Variants in FNDC5 observed in about 807,000 individuals in gnomAD.
The protein encoded by FNDC5 is fibronectin type III domain-containing protein 5.
A neutral mutation model predicts 24.6 loss-of-function variants in FNDC5; 10 were observed. The ratio of observed to expected loss-of-function variants is 0.41; its 90% CI spans 0.25 to 0.69. FNDC5 has a LOEUF of 0.69. Ranked by LOEUF, FNDC5 falls within the 30% of genes least tolerant of loss-of-function variation. The pLI, the probability that FNDC5 is intolerant of heterozygous loss-of-function variation, is 0.34. For synonymous variants in FNDC5, 90 were observed against 110.7 expected (o/e 0.81, Z 1.18); for missense variants, 226 against 282.9 (o/e 0.80, Z 1.44).
chr1:32,871,331 G>A (rs1220766269), upstream of FNDC5, among the ~76,000 whole-genome samples: 1 of 152,118 alleles, frequency 6.6e-6, no homozygotes, highest in Non-Finnish European at 1.5e-5. Flanking sequence ...GCAGACGGGA[G>A]CAGAGGGGAG....
chr1:32,870,566 G>T, intron 1 of FNDC5, 87 bp downstream of exon 1: 1 of 798,058 alleles, frequency 1.3e-6, no homozygotes, highest in Non-Finnish European at 1.6e-6. Flanking sequence ...GTCCCTAGGG[G>T]GCAGAGAAAG....
rs1641119849 is a variant in FNDC5, at chr1:32,868,507, A to G, written c.211-119T>C. ...TCTTCATCATTCCATCACCTCCGCT[A>G]TCAATATCTCCATTTTACAGGGAAG... On this transcript the variant is annotated intron_variant, in intron 2 of 5. Coordinates refer to ENST00000373471, the MANE Select transcript of FNDC5 (RefSeq NM_153756.3). The surrounding 1 kb of genome is among the most constrained non-coding windows in gnomAD (Gnocchi z 4.8). 3.6e-6 allele frequency: 4 copies of G among 1,119,168 alleles called. No homozygotes were observed. The South Asian group carries it at 4.6e-5, about 13-fold the overall frequency. The allele number at this position is 1,119,168 out of a possible 1,614,324, so 69.3% of individuals were successfully genotyped here. A position where few individuals can be genotyped will look rare whatever the true frequency, so the allele number is the denominator to read the frequency against.
At position 32,870,669 on chromosome 1, in the gene FNDC5, G is replaced by T; in HGVS notation, c.78C>A (p.Phe26Leu). The T allele has an allele frequency of 1.7e-6, 2 of 1,207,614 alleles. No individual in the cohort carries two copies. The highest frequency in any genetic ancestry group is 2.1e-6 in the Non-Finnish European group (2 of 972,266). 74.8% of individuals were successfully genotyped at this position (1,207,614 alleles called of 1,614,324 possible). A position where few individuals can be genotyped will look rare whatever the true frequency, so the allele number is the denominator to read the frequency against. Residue 26 changes from phenylalanine to leucine, a missense_variant, in exon 1 of 6, where the codon TTC becomes TTA. By Grantham distance (22) the Phe-to-Leu change is conservative. Coordinates refer to ENST00000373471, the MANE Select transcript of FNDC5 (RefSeq NM_153756.3). ...CCCCCTTACCCGCCTGCACCAGCGC[G>T]AAGCAGACGCAGCCCAGCCACAGGC...
chr1:32,870,887 G>C lies in FNDC5; in HGVS notation c.-141C>G, dbSNP rs932094406. 3 of 150,128 alleles carry C rather than the reference G, an allele frequency of 2.0e-5. No individual in the cohort carries two copies. Among genetic ancestry groups the C allele is most frequent in the African/African-American group, 7.4e-5 (3 of 40,570 alleles). The allele number at this position is 150,128 out of a possible 1,614,324, so 9.3% of individuals were successfully genotyped here. A position where few individuals can be genotyped will look rare whatever the true frequency, so the allele number is the denominator to read the frequency against. ...CGCCCTGCGCCGCCCCGAGCCGCCT[G>C]CATGTCGGCTCCGCGGACAGCGACT... is the stretch of plus-strand genomic sequence containing the variant. On this transcript the variant is annotated 5_prime_UTR_variant, in exon 1 of 6. Transcript: ENST00000373471.
intron 4 of FNDC5, among the ~76,000 whole-genome samples, chr1:32,867,508 AG>A (rs937075639): frequency 1.1e-4 from 17 of 152,180 alleles, no homozygotes; most frequent in African/African-American, 3.9e-4. Flanking sequence ...CTTCTGAGGG[AG>A]GGCGAAGGCA....
chr1:32,869,661 G>A (rs543045923), intron 1 of FNDC5, among the ~76,000 whole-genome samples: 1 of 152,164 alleles, frequency 6.6e-6, no homozygotes, highest in Non-Finnish European at 1.5e-5. Context: ...CCTCCATGGC[G>A]AGTGGAGAGG....
chr1:32,871,406 T>G (rs1226871000), upstream of FNDC5, among the ~76,000 whole-genome samples: 5 of 152,088 alleles, frequency 3.3e-5, no homozygotes, highest in African/African-American at 1.2e-4. Context: ...GTGTTTCCAG[T>G]GGGGTTGGGA....
At position 32,867,846 on chromosome 1, in the gene FNDC5, C is replaced by G. The variant is rs985805949; in HGVS notation, c.410-4G>C. 1.2e-6 allele frequency: 2 copies of G among 1,613,816 alleles called. No homozygotes were observed. The highest frequency in any genetic ancestry group is 1.7e-6 in the Non-Finnish European group (2 of 1,179,872). On this transcript the variant is annotated splice_region_variant and splice_polypyrimidine_tract_variant and intron_variant, in intron 3 of 5. Transcript: ENST00000373471. ...ATCTCTTTCATGGTTACCTCATCTG[C>G]AGGGAGAGAGACACTAGATCCAGCA... is the stretch of plus-strand genomic sequence containing the variant.
chr1:32,868,911 C>T lies in FNDC5; in HGVS notation c.181G>A (p.Val61Ile), dbSNP rs1240895544. ...TGGGAGATGGCAAATCCGATGACAA[C>T]CTCATCCTCCAGAACATCCCAGCTC... Residue 61 changes from valine (V) to isoleucine (I), a missense_variant, in exon 2 of 6, where the codon GTT becomes ATT. Coordinates refer to ENST00000373471, the MANE Select transcript of FNDC5 (RefSeq NM_153756.3). The surrounding 1 kb of genome is among the most constrained non-coding windows in gnomAD (Gnocchi z 4.8). The T allele has an allele frequency of 2.4e-6, 3 of 1,239,024 alleles. No individual in the cohort carries two copies. In the South Asian group the frequency reaches 1.2e-4, roughly 50 times the overall value. 76.8% of individuals were successfully genotyped at this position (1,239,024 alleles called of 1,614,324 possible).
chr1:32,871,136 G>A (rs2148712359), upstream of FNDC5, among the ~76,000 whole-genome samples: 1 of 151,766 alleles, frequency 6.6e-6, no homozygotes, highest in East Asian at 2.0e-4. Context: ...CCGCGCCCCC[G>A]CCGCGGTCAC....
upstream of FNDC5, among the ~76,000 whole-genome samples, chr1:32,871,578 C>G (rs553131314): frequency 1.3e-5 from 2 of 152,310 alleles, no homozygotes; most frequent in South Asian, 4.1e-4. Flanking sequence ...TCAGGGCAAC[C>G]CTGTAAAGTC....
intron 5 of FNDC5, 160 bp downstream of exon 5, chr1:32,864,504 A>G (rs1013973837): frequency 6.7e-7 from 1 of 1,496,020 alleles, no homozygotes; most frequent in African/African-American, 1.4e-5. Context: ...AGAGGATCCA[A>G]AATCAACTTG....
Position 32,862,587 on chromosome 1 carries a change from G to A in FNDC5, c.*1707C>T, listed in dbSNP as rs1304539367. On this transcript the variant is annotated 3_prime_UTR_variant, in exon 6 of 6. Transcript: ENST00000373471. ...TTGGGTGATGGCTTCTGGCTCTCTG[G>A]CTTGGGGACCAATGCTCTTATCATT... is the stretch of plus-strand genomic sequence containing the variant. 2 of 152,670 alleles carry A rather than the reference G, an allele frequency of 1.3e-5. No individual in the cohort carries two copies. Among genetic ancestry groups the A allele is most frequent in the Non-Finnish European group, 2.9e-5 (2 of 68,080 alleles). 9.5% of individuals were successfully genotyped at this position (152,670 alleles called of 1,614,324 possible). A position where few individuals can be genotyped will look rare whatever the true frequency, so the allele number is the denominator to read the frequency against.
Position 32,868,316 on chromosome 1 carries a change from G to A in FNDC5, c.283C>T (p.Leu95=). Residue 95 remains leucine (L), a synonymous_variant, in exon 3 of 6, where the codon CTG becomes TTG. Transcript: ENST00000373471. This position sits in a 1 kb window ranked among gnomAD's most constrained non-coding sequence, Gnocchi z 4.8. The stretch of plus-strand genomic sequence containing the variant: ...ACTATGTACTCCGTATCCTCCTCCA[G>A]GTCCCAGAGGGCACATGAGCGGGTG... 6.2e-7 allele frequency: 1 copy of A among 1,614,208 alleles called. No homozygotes were observed. The highest frequency in any genetic ancestry group is 1.1e-5 in the South Asian group (1 of 91,090).
upstream of FNDC5, among the ~76,000 whole-genome samples, chr1:32,872,032 A>C (rs1319331480): frequency 1.3e-5 from 2 of 152,304 alleles, no homozygotes; most frequent in East Asian, 3.9e-4. Flanking sequence ...TGGAAGGGCT[A>C]ATTTTCTTTG....
chr1:32,867,704 C>T, intron 4 of FNDC5, 49 bp downstream of exon 4: 1 of 1,571,846 alleles, frequency 6.4e-7, no homozygotes, highest in East Asian at 2.2e-5. Flanking sequence ...CAGAGTCCTC[C>T]ATTTCCCAGA....
intron 4 of FNDC5, among the ~76,000 whole-genome samples, chr1:32,866,810 G>A (rs1328651306): frequency 2.6e-5 from 4 of 152,202 alleles, no homozygotes; most frequent in Non-Finnish European, 5.9e-5. Context: ...AGTCATGATT[G>A]TAGCACTACT....
chr1:32,866,788 AG>A (rs1641079561), intron 4 of FNDC5, among the ~76,000 whole-genome samples: 1 of 152,216 alleles, frequency 6.6e-6, no homozygotes, highest in Non-Finnish European at 1.5e-5. Flanking sequence ...TTGCAAGCAG[AG>A]GGGTCTTCTT....
chr1:32,871,893 G>C (rs922319349), upstream of FNDC5, among the ~76,000 whole-genome samples: 1 of 152,200 alleles, frequency 6.6e-6, no homozygotes, highest in African/African-American at 2.4e-5. Flanking sequence ...CAAGGTGGAG[G>C]AGAGAGGCAT....
Sources: gnomAD v4.1 joint callset for allele counts (sites outside exome capture counted in the v4.1 genomes callset) on GRCh38, gnomAD v4.1.1 for gene constraint, Gnocchi (gnomAD v3.1) non-coding constraint, MANE v1.5 for transcripts, NCBI Gene and HGNC (gene_info 2026-07-23, HGNC 2026-07-21) for gene names.